Variants in ANKS1A observed in about 807,000 individuals in gnomAD.
ANKS1A encodes the protein ankyrin repeat and sterile alpha motif domain containing 1A.
In ANKS1A, 55 loss-of-function variants were observed where a neutral mutation model predicts 120.3. The observed-to-expected ratio is 0.46, with a 90% CI of 0.37 to 0.57. The LOEUF (loss-of-function observed/expected upper bound fraction) is 0.57, where lower values mean the gene tolerates loss of function less well. Among genes scored for constraint, ANKS1A ranks in the 20% least tolerant of loss-of-function variants. The probability of loss-of-function intolerance (pLI) is 0.00; values close to 1 mark genes in which losing one functional copy is unlikely to be tolerated. For synonymous variants in ANKS1A, 590 were observed against 604.7 expected (o/e 0.98, Z 0.36); for missense variants, 1,123 against 1,480.3 (o/e 0.76, Z 3.96).
chr6:34,970,759 C>G (rs868415322), intron 3 of ANKS1A, among the ~76,000 whole-genome samples: 1 of 152,012 alleles, frequency 6.6e-6, no homozygotes. Flanking sequence ...AAGGCTGAGG[C>G]AGGAGAATTG....
In ANKS1A at chr6:35,086,282, C is replaced by A; in HGVS notation, c.3303+346C>A. 1 of 1,325,652 alleles carries A rather than the reference C, an allele frequency of 7.5e-7. No homozygotes were observed. Among genetic ancestry groups the A allele is most frequent in the Non-Finnish European group, 9.9e-7 (1 of 1,012,986 alleles). The allele number at this position is 1,325,652 out of a possible 1,614,324, so 82.1% of individuals were successfully genotyped here. ...CTCTGCACCCCAGGTGCCGCTGCCC[C>A]CCGATAGTCGCTGTTGTTACTGTCA... On this transcript the variant is annotated intron_variant, in intron 22 of 23. Transcript: ENST00000360359. This position sits in a 1 kb window ranked among gnomAD's most constrained non-coding sequence, Gnocchi z 5.1.
chr6:34,963,605 A>G (rs1477485719), intron 1 of ANKS1A, among the ~76,000 whole-genome samples: 3 of 152,240 alleles, frequency 2.0e-5, no homozygotes, highest in African/African-American at 4.8e-5. Context: ...TTTCTTCCAT[A>G]TACTGATTTT....
chr6:35,027,565 G>A (rs753861505), intron 11 of ANKS1A, among the ~76,000 whole-genome samples: 50 of 152,148 alleles, frequency 3.3e-4, no homozygotes, highest in Non-Finnish European at 6.3e-4. Flanking sequence ...GATGGTGGGG[G>A]ATAGGCTTTT....
intron 11 of ANKS1A, chr6:35,038,124 C>T: frequency 2.2e-6 from 1 of 452,722 alleles, no homozygotes; most frequent in Non-Finnish European, 4.4e-6. Context: ...TTCTTGCCAG[C>T]CTGTGCCTTT....
At chr6:34,991,673 CATATATAT>C (rs376989051) in intron 9 of ANKS1A, among the ~76,000 whole-genome samples, 3 of 29,860 alleles carry the variant, frequency 1.0e-4, no homozygotes, top group East Asian at 1.6e-3. Flanking sequence ...TATATATACA[CATATATAT>C]ACATATATAC....
downstream of ANKS1A, among the ~76,000 whole-genome samples, chr6:35,091,570 T>TAACA (rs142013873): frequency 1.8e-4 from 28 of 152,376 alleles, no homozygotes; most frequent in African/African-American, 5.3e-4. Flanking sequence ...TCGCACTCTC[T>TAACA]AACAAACAGT....
chr6:34,966,609 A>C (rs1033310833), intron 1 of ANKS1A, among the ~76,000 whole-genome samples: 1 of 152,260 alleles, frequency 6.6e-6, no homozygotes, highest in Non-Finnish European at 1.5e-5. Flanking sequence ...CAATGCAGTA[A>C]GGCCAATGCA....
intron 11 of ANKS1A, among the ~76,000 whole-genome samples, chr6:35,019,144 A>C (rs1179857196): frequency 6.6e-6 from 1 of 152,222 alleles, no homozygotes; most frequent in African/African-American, 2.4e-5. Flanking sequence ...CTCGCTGAGC[A>C]GAAGAATGTG....
In ANKS1A at chr6:35,017,465, A is replaced by T; in HGVS notation, c.1424-8A>T. 6.3e-7 allele frequency: 1 copy of T among 1,579,634 alleles called. No individual in the cohort carries two copies. The highest frequency in any genetic ancestry group is 8.6e-7 in the Non-Finnish European group (1 of 1,162,642). On this transcript the variant is annotated splice_region_variant and splice_polypyrimidine_tract_variant and intron_variant, in intron 10 of 23. Coordinates refer to ENST00000360359, the MANE Select transcript of ANKS1A (RefSeq NM_015245.3). The stretch of plus-strand genomic sequence containing the variant: ...TTTTTATTTCTCTGTCTCTCCGTCC[A>T]CTCCAAGACCACAGGCGGAGCAGCA...
At chr6:34,893,802 T>A (rs1487223277) in intron 1 of ANKS1A, among the ~76,000 whole-genome samples, 2 of 152,230 alleles carry the variant, frequency 1.3e-5, no homozygotes, top group Non-Finnish European at 2.9e-5. Context: ...TATATAGCCC[T>A]ATATACCTAT....
intron 8 of ANKS1A, among the ~76,000 whole-genome samples, chr6:34,988,871 A>G (rs1772356400): frequency 6.6e-6 from 1 of 152,204 alleles, no homozygotes; most frequent in Non-Finnish European, 1.5e-5. Flanking sequence ...TAGACTGAAA[A>G]GTGAACCACT....
chr6:34,915,729 T>C (rs145962040), intron 1 of ANKS1A, among the ~76,000 whole-genome samples: 1 of 152,280 alleles, frequency 6.6e-6, no homozygotes, highest in African/African-American at 2.4e-5. Context: ...TTCAGCTTGA[T>C]TGATGAAAAT....
At chr6:35,037,908 TG>T (rs1398716368) in intron 11 of ANKS1A, among the ~76,000 whole-genome samples, 1 of 151,650 alleles carries the variant, frequency 6.6e-6, no homozygotes, top group East Asian at 1.9e-4. Flanking sequence ...CCAAGGATGG[TG>T]GTAAGAGAAG....
intron 11 of ANKS1A, among the ~76,000 whole-genome samples, chr6:35,046,967 A>G (rs1332819182): frequency 6.6e-6 from 1 of 152,148 alleles, no homozygotes; most frequent in Non-Finnish European, 1.5e-5. Context: ...AATTTTGCCT[A>G]TTCTAGAACT....
chr6:34,948,946 C>A (rs1308665726), intron 1 of ANKS1A, among the ~76,000 whole-genome samples: 2 of 152,288 alleles, frequency 1.3e-5, no homozygotes, highest in East Asian at 3.9e-4. Flanking sequence ...GAACATTTCA[C>A]TGGGAGACAG....
At chr6:35,076,905 C>T (rs1209880635) in intron 13 of ANKS1A, among the ~76,000 whole-genome samples, 1 of 152,164 alleles carries the variant, frequency 6.6e-6, no homozygotes, top group Non-Finnish European at 1.5e-5. Context: ...GCTGGGATTA[C>T]AGGGGTGAGC....
chr6:35,086,063 CTTAA>C lies in ANKS1A; in HGVS notation c.3303+130_3303+133del. 1.5e-6 allele frequency: 2 copies of C among 1,350,026 alleles called. No homozygotes were observed. The highest frequency in any genetic ancestry group is 1.5e-5 in the African/African-American group (1 of 68,262). The allele number at this position is 1,350,026 out of a possible 1,614,324, so 83.6% of individuals were successfully genotyped here. ...GCTGGCCCTCCAGGGAAATGACCCT[CTTAA>C]TTGTCCCCCAACCCTGCCAGGTCTC... On this transcript the variant is annotated intron_variant, in intron 22 of 23. Transcript: ENST00000360359. This position sits in a 1 kb window ranked among gnomAD's most constrained non-coding sequence, Gnocchi z 5.1.
chr6:35,096,001 A>T (rs375571849), downstream of ANKS1A, among the ~76,000 whole-genome samples: 3 of 152,360 alleles, frequency 2.0e-5, no homozygotes, highest in East Asian at 3.9e-4. Context: ...TACCAAATAA[A>T]TATCATTTTC....
intron 11 of ANKS1A, among the ~76,000 whole-genome samples, chr6:35,025,679 T>A (rs936612453): frequency 1.3e-5 from 2 of 152,252 alleles, no homozygotes; most frequent in Middle Eastern, 3.4e-3. Context: ...TCCTCCCTAC[T>A]TTTCTCATTC....
Sources: allele counts gnomAD v4.1 joint callset (sites outside exome capture counted in the v4.1 genomes callset), GRCh38; gene constraint gnomAD v4.1.1; non-coding constraint Gnocchi (gnomAD v3.1); transcripts MANE v1.5; gene names NCBI Gene and HGNC (gene_info 2026-07-23, HGNC 2026-07-21).